Variants in TPTE observed in about 807,000 individuals in gnomAD.
TPTE encodes putative tyrosine-protein phosphatase TPTE.
A neutral mutation model predicts 84.1 loss-of-function variants in TPTE; 59 were observed. The observed-to-expected ratio is 0.70, with a 90% confidence interval of 0.57 to 0.87. The LOEUF (loss-of-function observed/expected upper bound fraction) is 0.87, where lower values mean the gene tolerates loss of function less well. Ranked by LOEUF, TPTE falls within the 40% of genes least tolerant of loss-of-function variation. TPTE has a pLI of 0.00. For synonymous variants in TPTE, 130 were observed against 223.5 expected (o/e 0.58, Z 3.73); for missense variants, 382 against 659.6 (o/e 0.58, Z 4.61).
chr21:10,586,142 T>C (rs560046819), intron 17 of TPTE, among the ~76,000 whole-genome samples: 125 of 151,882 alleles, frequency 8.2e-4, no homozygotes, highest in Non-Finnish European at 1.6e-3. Flanking sequence ...TCCTGACTTC[T>C]TGACATGGAT....
intron 19 of TPTE, among the ~76,000 whole-genome samples, chr21:10,593,414 A>C (rs2075522835): frequency 1.3e-5 from 2 of 152,310 alleles, no homozygotes; most frequent in Admixed American, 1.3e-4. Context: ...ATTCAAACAA[A>C]GTCCACACAT....
intron 4 of TPTE, 50 bp downstream of exon 4, chr21:10,538,784 A>G (rs775033487): frequency 1.3e-4 from 217 of 1,613,804 alleles, no homozygotes; most frequent in Non-Finnish European, 1.8e-4. Context: ...AACTGAGCAT[A>G]GAAGTATTCA....
intron 7 of TPTE, among the ~76,000 whole-genome samples, chr21:10,552,373 A>G (rs1208782345): frequency 6.6e-6 from 1 of 152,280 alleles, no homozygotes; most frequent in Non-Finnish European, 1.5e-5. Flanking sequence ...ATCCATATAC[A>G]TATTCTTTTA....
At chr21:10,589,386 T>C (rs1463064955) in intron 17 of TPTE, among the ~76,000 whole-genome samples, 4 of 152,420 alleles carry the variant, frequency 2.6e-5, no homozygotes, top group African/African-American at 9.6e-5. Flanking sequence ...GGCTGTGTAC[T>C]TCATCCTTGT....
At chr21:10,604,599 AT>A (rs1600998558) in intron 23 of TPTE, among the ~76,000 whole-genome samples, 1 of 152,308 alleles carries the variant, frequency 6.6e-6, no homozygotes, top group Admixed American at 6.5e-5. Flanking sequence ...TTTGATGGAA[AT>A]TTTTTACAAG....
chr21:10,548,499 A>C (rs2145637708), intron 7 of TPTE, among the ~76,000 whole-genome samples: 1 of 152,422 alleles, frequency 6.6e-6, no homozygotes, highest in Non-Finnish European at 1.5e-5. Context: ...AGTAGTCCCC[A>C]GGGCTTCCCC....
chr21:10,533,130 G>C (rs1368156444), intron 3 of TPTE, among the ~76,000 whole-genome samples: 3 of 152,300 alleles, frequency 2.0e-5, no homozygotes, highest in Non-Finnish European at 2.9e-5. Flanking sequence ...TTCTTCTTTA[G>C]TATGTTCTCT....
At chr21:10,568,071 T>C (rs1345554298) in intron 11 of TPTE, among the ~76,000 whole-genome samples, 1 of 152,312 alleles carries the variant, frequency 6.6e-6, no homozygotes, top group Non-Finnish European at 1.5e-5. Flanking sequence ...CTTTAACTTC[T>C]CTACATTTTG....
At chr21:10,565,771 C>T (rs2074907453) in intron 10 of TPTE, among the ~76,000 whole-genome samples, 1 of 152,424 alleles carries the variant, frequency 6.6e-6, no homozygotes, top group Admixed American at 6.5e-5. Flanking sequence ...GACATCTCTT[C>T]AACAAATGGT....
intron 17 of TPTE, among the ~76,000 whole-genome samples, chr21:10,579,150 A>G (rs2075224070): frequency 6.6e-6 from 1 of 152,308 alleles, no homozygotes; most frequent in South Asian, 2.1e-4. Context: ...ATACATTATT[A>G]TTAACTGTGG....
chr21:10,587,168 ATTTG>A (rs2075381575), intron 17 of TPTE, among the ~76,000 whole-genome samples: 2 of 151,408 alleles, frequency 1.3e-5, no homozygotes, highest in South Asian at 4.2e-4. Flanking sequence ...ATTTGTTATT[ATTTG>A]TTTTTTAATA....
intron 4 of TPTE, chr21:10,540,770 G>A (rs2074354835): frequency 3.8e-6 from 2 of 522,894 alleles, no homozygotes; most frequent in Non-Finnish European, 7.6e-6. Context: ...GGAGGTGATA[G>A]AGAATGAGGA....
intron 18 of TPTE, among the ~76,000 whole-genome samples, chr21:10,591,386 C>A (rs1324401341): frequency 6.6e-6 from 1 of 152,310 alleles, no homozygotes; most frequent in Non-Finnish European, 1.5e-5. Context: ...TTGAGATACA[C>A]AGATTTTGAA....
intron 10 of TPTE, among the ~76,000 whole-genome samples, chr21:10,566,366 A>C (rs1238720712): frequency 1.3e-5 from 2 of 152,310 alleles, no homozygotes; most frequent in African/African-American, 2.4e-5. Flanking sequence ...ACAAATCCTG[A>C]CAAAGATGTG....
At chr21:10,600,372 C>T (rs565434836) in intron 21 of TPTE, among the ~76,000 whole-genome samples, 5 of 152,412 alleles carry the variant, frequency 3.3e-5, no homozygotes, top group African/African-American at 1.2e-4. Flanking sequence ...CTCTTGACCT[C>T]AGGTGATCTG....
chr21:10,586,777 T>G (rs1253635383), intron 17 of TPTE, among the ~76,000 whole-genome samples: 2 of 152,308 alleles, frequency 1.3e-5, no homozygotes, highest in Non-Finnish European at 2.9e-5. Flanking sequence ...TCTAGAAATC[T>G]TCCTAAAATC....
chr21:10,566,630 T>C (rs2074926980), intron 10 of TPTE, among the ~76,000 whole-genome samples: 1 of 152,290 alleles, frequency 6.6e-6, no homozygotes. Flanking sequence ...GATGAATGGG[T>C]AAAGAAAATA....
chr21:10,558,432 A>C (rs1334063341), intron 8 of TPTE, among the ~76,000 whole-genome samples: 2 of 152,304 alleles, frequency 1.3e-5, no homozygotes, highest in Non-Finnish European at 2.9e-5. Flanking sequence ...TTGACTTTTT[A>C]GTAATAGCCA....
intron 3 of TPTE, among the ~76,000 whole-genome samples, chr21:10,530,136 A>T (rs1479640291): frequency 3.9e-5 from 6 of 152,306 alleles, no homozygotes; most frequent in African/African-American, 1.4e-4. Flanking sequence ...TGTCCTTTTG[A>T]CTTGACATGT....
Sources: allele counts gnomAD v4.1 joint callset (sites outside exome capture counted in the v4.1 genomes callset), GRCh38; gene constraint gnomAD v4.1.1; transcripts MANE v1.5; gene names NCBI Gene and HGNC (gene_info 2026-07-23, HGNC 2026-07-21).